NAT1: variants seen among roughly 807,000 people sequenced by gnomAD.
The protein encoded by NAT1 is N-acetyltransferase 1, also known as arylamine N-acetyltransferase 1.
For synonymous variants in NAT1, 144 were observed against 122.6 expected, an observed-to-expected ratio of 1.17 and a Z score of -1.16; for missense variants, 400 against 339.2, an observed-to-expected ratio of 1.18 and a Z score of -1.41.
chr8:18,215,149 T>G (rs758168413), intron 1 of NAT1, among the ~76,000 whole-genome samples: 8 of 152,244 alleles, frequency 5.3e-5, no homozygotes, highest in Non-Finnish European at 1.2e-4. Flanking sequence ...CTTGTTCTTT[T>G]TCGTGGCTGC....
chr8:18,216,554 A>G (rs1804691596), intron 1 of NAT1, among the ~76,000 whole-genome samples: 1 of 152,158 alleles, frequency 6.6e-6, no homozygotes, highest in Non-Finnish European at 1.5e-5. Flanking sequence ...CATCTTCAAT[A>G]AGACCCATCT....
intron 2 of NAT1, among the ~76,000 whole-genome samples, chr8:18,200,466 T>C (rs374067112): frequency 6.6e-6 from 1 of 152,202 alleles, no homozygotes; most frequent in South Asian, 2.1e-4. Flanking sequence ...TTCTCACTTA[T>C]AAGTTGGCAC....
At chr8:18,202,795 A>G (rs1323725832) in intron 2 of NAT1, among the ~76,000 whole-genome samples, 2 of 152,150 alleles carry the variant, frequency 1.3e-5, no homozygotes, top group Non-Finnish European at 2.9e-5. Context: ...TTTATTGTGA[A>G]GAGTGAAAGA....
chr8:18,186,418 T>C (rs1802737360), intron 2 of NAT1, among the ~76,000 whole-genome samples: 1 of 152,212 alleles, frequency 6.6e-6, no homozygotes, highest in African/African-American at 2.4e-5. Flanking sequence ...TCTTTCTTTT[T>C]TTCTTGTTGT....
At chr8:18,203,672 G>C (rs1803575023) in intron 2 of NAT1, among the ~76,000 whole-genome samples, 1 of 152,204 alleles carries the variant, frequency 6.6e-6, no homozygotes, top group Non-Finnish European at 1.5e-5. Flanking sequence ...TCCATTGTGA[G>C]CTCTATAATT....
chr8:18,183,244 G>A (rs1329475917), intron 2 of NAT1, among the ~76,000 whole-genome samples: 1 of 152,200 alleles, frequency 6.6e-6, no homozygotes, highest in East Asian at 1.9e-4. Context: ...CTGCCATCAT[G>A]ATGTAAACAC....
chr8:18,218,948 A>T (rs1299939012), intron 1 of NAT1, among the ~76,000 whole-genome samples: 2 of 152,192 alleles, frequency 1.3e-5, no homozygotes, highest in Non-Finnish European at 2.9e-5. Context: ...GTAGCATCAT[A>T]CATTAAGGGC....
chr8:18,204,487 C>G (rs1011447445), intron 2 of NAT1, among the ~76,000 whole-genome samples: 1 of 152,072 alleles, frequency 6.6e-6, no homozygotes, highest in Non-Finnish European at 1.5e-5. Context: ...ATTTAAGTAA[C>G]TTTAAAAACT....
chr8:18,179,188 T>A (rs28383673), intron 2 of NAT1, among the ~76,000 whole-genome samples: 18 of 152,088 alleles, frequency 1.2e-4, no homozygotes, highest in Non-Finnish European at 1.0e-4. Flanking sequence ...ATTGGGAAAA[T>A]CTCCATGGTG....
chr8:18,222,630 A>G lies in NAT1; in HGVS notation c.583A>G (p.Lys195Glu). 6.2e-7 allele frequency: 1 copy of G among 1,613,208 alleles called. No homozygotes were observed. Among genetic ancestry groups the G allele is most frequent in the Non-Finnish European group, 8.5e-7 (1 of 1,179,734 alleles). Residue 195 changes from lysine to glutamate, a missense_variant, in exon 3 of 3, where the codon AAG (lysine) becomes GAG (glutamate). By Grantham distance (56) the Lys-to-Glu change is moderately conservative. Coordinates refer to ENST00000307719, the MANE Select transcript of NAT1 (RefSeq NM_000662.8). ...CCGAAAAATCTACTCCTTTACTCTT[A>G]AGCCTCGAACAATTGAAGATTTTGA... ...KYRKIYSFTL[K>E]PRTIEDFESM...
chr8:18,184,217 T>A (rs1435111335), intron 2 of NAT1, among the ~76,000 whole-genome samples: 1 of 152,224 alleles, frequency 6.6e-6, no homozygotes, highest in Non-Finnish European at 1.5e-5. Flanking sequence ...TATGTGAGCC[T>A]GCAGAATTAG....
intron 2 of NAT1, among the ~76,000 whole-genome samples, chr8:18,198,675 CAT>C (rs1188451071): frequency 5.3e-5 from 8 of 152,108 alleles, no homozygotes; most frequent in Admixed American, 1.3e-4. Flanking sequence ...TAAGGTGTAA[CAT>C]GTGATGTTTT....
chr8:18,223,681 GCC>G lies in NAT1; in HGVS notation c.*767_*768del, dbSNP rs1331307107. On this transcript the variant is annotated 3_prime_UTR_variant, in exon 3 of 3. Coordinates refer to ENST00000307719, the MANE Select transcript of NAT1 (RefSeq NM_000662.8). ...TAAAAGTTATTGTTCCATCTTGCTT[GCC>G]CCCCCACCCCTGTCATCTGCCTGCT... 3 of 159,192 alleles carry G rather than the reference GCC, an allele frequency of 1.9e-5. No individual in the cohort carries two copies. Among genetic ancestry groups the G allele is most frequent in the Non-Finnish European group, 3.0e-5 (2 of 66,918 alleles). The allele number at this position is 159,192 out of a possible 1,614,324, so 9.9% of individuals were successfully genotyped here. A position where few individuals can be genotyped will look rare whatever the true frequency, so the allele number is the denominator to read the frequency against.
intron 1 of NAT1, among the ~76,000 whole-genome samples, chr8:18,213,055 C>G (rs909151779): frequency 8.9e-5 from 13 of 146,234 alleles, no homozygotes; most frequent in Non-Finnish European, 1.9e-4. Context: ...TAGGCATGTG[C>G]CACCACACCT....
intron 2 of NAT1, among the ~76,000 whole-genome samples, chr8:18,197,877 A>C (rs7388368): frequency 0.79 from 119,739 of 151,262 alleles, 47,760 homozygotes; most frequent in Middle Eastern, 0.88. Flanking sequence ...GGTTCTGGGA[A>C]GTATGTTTAT....
At chr8:18,219,242 G>A (rs28359521) in intron 1 of NAT1, 169 bp from the exon 2 acceptor site, 3,039 of 157,848 alleles carry the variant, frequency 0.019, 52 homozygotes, top group Middle Eastern at 0.083. Context: ...CTCCATAGTT[G>A]TAGTTTCCAC....
At chr8:18,196,908 G>A (rs547362454) in intron 2 of NAT1, among the ~76,000 whole-genome samples, 4 of 152,236 alleles carry the variant, frequency 2.6e-5, no homozygotes, top group South Asian at 4.1e-4. Context: ...GTATTAGTCC[G>A]TTCTCACACT....
chr8:18,182,768 T>C (rs1022517342), intron 2 of NAT1, among the ~76,000 whole-genome samples: 11 of 152,208 alleles, frequency 7.2e-5, no homozygotes, highest in African/African-American at 2.7e-4. Context: ...TCATCAATTT[T>C]CACTCAAAAA....
intron 2 of NAT1, among the ~76,000 whole-genome samples, chr8:18,196,724 G>A (rs1333558117): frequency 1.3e-5 from 2 of 152,170 alleles, no homozygotes; most frequent in African/African-American, 2.4e-5. Context: ...GGGAGGGAAG[G>A]TGCATCATTA....
Sources: allele counts gnomAD v4.1 joint callset (sites outside exome capture counted in the v4.1 genomes callset), GRCh38; gene constraint gnomAD v4.1.1; transcripts MANE v1.5; gene names NCBI Gene and HGNC (gene_info 2026-07-23, HGNC 2026-07-21).